The following CSNK1E variants were observed in gnomAD, a reference collection of about 807,000 sequenced individuals.
CSNK1E encodes the protein casein kinase 1 epsilon, also known as casein kinase I isoform epsilon.
A neutral mutation model predicts 46.1 loss-of-function variants in CSNK1E; 17 were observed. The ratio of observed to expected loss-of-function variants is 0.37; its 90% CI spans 0.25 to 0.55. The LOEUF (loss-of-function observed/expected upper bound fraction) is 0.55. Ranked by LOEUF, CSNK1E falls within the 20% of genes least tolerant of loss-of-function variation. CSNK1E has a pLI of 0.82. For synonymous variants in CSNK1E, 241 were observed against 242.6 expected (o/e 0.99, Z 0.06); for missense variants, 386 against 595.4 (o/e 0.65, Z 3.66).
chr22:38,318,025 C>A (rs1262618874), upstream of CSNK1E: 6 of 152,226 alleles, frequency 3.9e-5, no homozygotes, highest in Non-Finnish European at 5.9e-5. Context: ...AAGACCTCTT[C>A]TTCTTTTCCC....
chr22:38,307,159 A>G (rs2092702049), intron 2 of CSNK1E, among the ~76,000 whole-genome samples: 1 of 151,948 alleles, frequency 6.6e-6, no homozygotes, highest in Non-Finnish European at 1.5e-5. Context: ...TGACAGAGCA[A>G]GACCATGTCT....
At position 38,294,422 on chromosome 22, in the gene CSNK1E, G is replaced by C; in HGVS notation, c.998C>G (p.Pro333Arg). ...GAGCCGGTTGGCAGTGGCCCCCGTG[G>C]GTGGGCCAGGGGGCAGGGCTCGGGT... Reference protein sequence around the residue: ...SATRALPPGPPTGATANRLRS... With the variant: ...SATRALPPGPRTGATANRLRS... The change falls in exon 8 of 11, where the codon CCC becomes CGC. Residue 333 changes from proline (P) to arginine (R), a missense_variant. This residue lies in a region of CSNK1E where 174 missense variants were observed against 185.2 expected (regional missense o/e 0.94). Transcript: ENST00000396832. This position sits in a 1 kb window ranked among gnomAD's most constrained non-coding sequence, Gnocchi z 5.5. 7.7e-6 allele frequency: 12 copies of C among 1,562,364 alleles called. No homozygotes were observed. Among genetic ancestry groups the C allele is most frequent in the Non-Finnish European group, 1.0e-5 (12 of 1,155,962 alleles).
chr22:38,301,502 G>A (rs1161722573), intron 4 of CSNK1E, among the ~76,000 whole-genome samples: 2 of 151,906 alleles, frequency 1.3e-5, no homozygotes, highest in East Asian at 3.9e-4. Flanking sequence ...GCAAAATCTC[G>A]GCTCACTGCA....
rs971066619 is a variant in CSNK1E, at chr22:38,297,254, C to A, written c.885+1532G>T. The A allele has an allele frequency of 2.2e-5, 15 of 692,020 alleles. No individual in the cohort carries two copies. The African/African-American group carries it at 2.6e-4, about 12-fold the overall frequency. The allele number at this position is 692,020 out of a possible 1,614,324, so 42.9% of individuals were successfully genotyped here. A position where few individuals can be genotyped will look rare whatever the true frequency, so the allele number is the denominator to read the frequency against. ...AGTGACTATCTCGATAAGAAAGTGC[C>A]CAGTGCCCAATGCCCTGTGGTGGAA... On this transcript the variant is annotated intron_variant, in intron 7 of 10. Coordinates refer to ENST00000396832, the MANE Select transcript of CSNK1E (RefSeq NM_152221.3).
At position 38,296,769 on chromosome 22, in the gene CSNK1E, A is replaced by G. The variant is rs559478667; in HGVS notation, c.885+2017T>C. 6 of 1,516,300 alleles carry G rather than the reference A, an allele frequency of 4.0e-6. No homozygotes were observed. In the African/African-American group the frequency reaches 8.3e-5, roughly 21 times the overall value. The allele number at this position is 1,516,300 out of a possible 1,614,324, so 93.9% of individuals were successfully genotyped here. On this transcript the variant is annotated intron_variant, in intron 7 of 10. Coordinates refer to ENST00000396832, the MANE Select transcript of CSNK1E (RefSeq NM_152221.3). ...AACCTAGAGCAGTGATGTCCACAGA[A>G]CGTTCTGGATGAAGGAAATGGTCCC...
chr22:38,310,024 G>A (rs910533954), intron 2 of CSNK1E, among the ~76,000 whole-genome samples: 1 of 152,208 alleles, frequency 6.6e-6, no homozygotes, highest in Non-Finnish European at 1.5e-5. Flanking sequence ...GTTCAGAAAC[G>A]TTAGGTAACT....
intron 7 of CSNK1E, chr22:38,297,261 C>A (rs2092645896): frequency 1.5e-6 from 1 of 674,978 alleles, no homozygotes; most frequent in African/African-American, 1.8e-5. Context: ...TGCCCAGTGC[C>A]CAATGCCCTG....
intron 7 of CSNK1E, chr22:38,297,527 CAGG>C (rs774922180): frequency 2.5e-5 from 25 of 1,011,890 alleles, no homozygotes; most frequent in Non-Finnish European, 3.0e-5. Context: ...CCTTGGCTTC[CAGG>C]AGAACAGAGC....
chr22:38,308,979 T>C (rs1184050907), intron 2 of CSNK1E, among the ~76,000 whole-genome samples: 2 of 152,136 alleles, frequency 1.3e-5, no homozygotes, highest in East Asian at 3.9e-4. Context: ...TTCAGGTGTG[T>C]GATCACAGGA....
intron 7 of CSNK1E, chr22:38,297,615 G>C (rs988645043): frequency 1.0e-6 from 1 of 995,000 alleles, no homozygotes; most frequent in African/African-American, 1.7e-5. Context: ...AGCAAGAGGA[G>C]GTGTTTAATG....
chr22:38,301,773 G>A (rs763836835), intron 4 of CSNK1E, among the ~76,000 whole-genome samples: 19 of 151,974 alleles, frequency 1.3e-4, no homozygotes, highest in Non-Finnish European at 2.8e-4. Flanking sequence ...CACATGCCGT[G>A]GCCTCTGGCT....
intron 7 of CSNK1E, chr22:38,296,644 A>C (rs771313245): frequency 2.5e-6 from 4 of 1,612,860 alleles, no homozygotes; most frequent in Non-Finnish European, 3.4e-6. Context: ...ACTTCCAGGA[A>C]GGCGGTCAGA....
rs983306329 is a variant in CSNK1E at position 38,297,686 on chromosome 22, G to A, written c.885+1100C>T. The A allele has an allele frequency of 7.2e-5, 72 of 994,140 alleles. No individual in the cohort carries two copies. In the African/African-American group the frequency reaches 1.0e-3, roughly 14 times the overall value. The allele number at this position is 994,140 out of a possible 1,614,324, so 61.6% of individuals were successfully genotyped here. On this transcript the variant is annotated intron_variant, in intron 7 of 10. Coordinates refer to ENST00000396832, the MANE Select transcript of CSNK1E (RefSeq NM_152221.3). ...TAGCTATGAGTCTGTCCTGGGACCC[G>A]TTCCCACCAGGCCCCTTGTGGGCAG...
rs2092680726 is a variant in CSNK1E, at chr22:38,302,915, G to A, written c.282C>T (p.Asn94=). The change falls in exon 4 of 11, where the codon AAC becomes AAT. Residue 94 remains asparagine (N), a synonymous_variant. Transcript: ENST00000396832. ...LLGPSLEDLF[N]FCSRKFSLKT... is the part of the protein sequence containing the mutation. ...TGAGGCTGAATTTGCGGGAACAGAAGTTGAACAGGTCCTCGAGGCTAGGCC... is the reference window on the plus strand; with the variant it reads ...TGAGGCTGAATTTGCGGGAACAGAAATTGAACAGGTCCTCGAGGCTAGGCC... 1 of 1,614,024 alleles carries A rather than the reference G, an allele frequency of 6.2e-7. No homozygotes were observed. Among genetic ancestry groups the A allele is most frequent in the Admixed American group, 1.7e-5 (1 of 60,010 alleles).
rs61653617 is a variant in CSNK1E at position 38,306,638 on chromosome 22, G to C, written c.77-3390C>G. 4.7e-3 allele frequency among the ~76,000 whole-genome samples: 711 copies of C among 152,260 alleles called. 42 individuals carry two copies. In the East Asian group the frequency reaches 0.11, roughly 23 times the overall value. ...CCCAGCTACTCGGCAGGCTGAGGCA[G>C]GAGAATTGCTTGAACCCAGGAGGCA... is the stretch of plus-strand genomic sequence containing the variant. On this transcript the variant is annotated intron_variant, in intron 2 of 10. Coordinates refer to ENST00000396832, the MANE Select transcript of CSNK1E (RefSeq NM_152221.3).
In CSNK1E at chr22:38,314,037, C is replaced by T. The variant is rs1392940192; in HGVS notation, c.76+45G>A. ...CTGGGGTCTTTCCTCCTCTTGGTCC[C>T]ATGGGCTGGCCCCAGGGGCTCCAGC... On this transcript the variant is annotated intron_variant, in intron 2 of 10. Transcript: ENST00000396832. The T allele has an allele frequency of 3.2e-6, 5 of 1,552,628 alleles. No individual in the cohort carries two copies. The East Asian group carries it at 1.1e-4, about 35-fold the overall frequency.
At chr22:38,297,226 G>A in intron 7 of CSNK1E, 1 of 743,844 alleles carries the variant, frequency 1.3e-6, no homozygotes, top group South Asian at 1.4e-5. Flanking sequence ...AACCAGACGT[G>A]GGAGTGACTA....
At position 38,300,178 on chromosome 22, in the gene CSNK1E, A is replaced by T; in HGVS notation, c.566-113T>A. The T allele has an allele frequency of 1.0e-6, 1 of 991,230 alleles. No homozygotes were observed. The highest frequency in any genetic ancestry group is 1.5e-6 in the Non-Finnish European group (1 of 681,442). 61.4% of individuals were successfully genotyped at this position (991,230 alleles called of 1,614,324 possible). A position where few individuals can be genotyped will look rare whatever the true frequency, so the allele number is the denominator to read the frequency against. On this transcript the variant is annotated intron_variant, in intron 5 of 10. Transcript: ENST00000396832. This position sits in a 1 kb window ranked among gnomAD's most constrained non-coding sequence, Gnocchi z 4.4. ...CAGGACCCTCCTGCCCCCACGTCGG[A>T]TGTTGCTCACTGCACGCATTTTAAA...
intron 1 of CSNK1E, among the ~76,000 whole-genome samples, chr22:38,314,720 C>T (rs186279411): frequency 6.6e-5 from 10 of 152,320 alleles, no homozygotes; most frequent in African/African-American, 1.9e-4. Flanking sequence ...TTGGAGCTGG[C>T]GTCCTTTAAG....
Sources: allele counts gnomAD v4.1 joint callset (sites outside exome capture counted in the v4.1 genomes callset), GRCh38; gene constraint gnomAD v4.1.1; regional missense constraint gnomAD v4.1.1; non-coding constraint Gnocchi (gnomAD v3.1); transcripts MANE v1.5; gene names NCBI Gene and HGNC (gene_info 2026-07-23, HGNC 2026-07-21).